Variants in ROR1 observed in about 807,000 individuals in gnomAD.
The protein encoded by ROR1 is inactive tyrosine-protein kinase transmembrane receptor ROR1.
A neutral mutation model predicts 78.8 loss-of-function variants in ROR1; 19 were observed. The ratio of observed to expected loss-of-function variants is 0.24; its 90% CI spans 0.17 to 0.35. The LOEUF (loss-of-function observed/expected upper bound fraction) is 0.35. Ranked by LOEUF, ROR1 falls within the 10% of genes least tolerant of loss-of-function variation. ROR1 has a pLI of 1.00. For missense variants in ROR1, 917 were observed against 1,177.8 expected (o/e 0.78, Z 3.24); for synonymous variants, 386 against 433.6 (o/e 0.89, Z 1.36).
chr1:64,143,099 T>C lies in ROR1; in HGVS notation c.1174+449T>C, dbSNP rs1011529400. 5 of 1,012,850 alleles carry C rather than the reference T, an allele frequency of 4.9e-6. No individual in the cohort carries two copies. The African/African-American group carries it at 8.6e-5, about 17-fold the overall frequency. 62.7% of individuals were successfully genotyped at this position (1,012,850 alleles called of 1,614,324 possible). On this transcript the variant is annotated intron_variant, in intron 7 of 8. Transcript: ENST00000371079. ...ACCATTACTCGGTCATCCAGGACAA[T>C]CTGTGGGTAAACTGTGTCCTTCGTT... is the stretch of plus-strand genomic sequence containing the variant.
intron 8 of ROR1, among the ~76,000 whole-genome samples, chr1:64,170,803 C>T (rs923752214): frequency 6.6e-6 from 1 of 152,182 alleles, no homozygotes; most frequent in Non-Finnish European, 1.5e-5. Context: ...CTCTCAAGTT[C>T]AAAGTTCCAC....
At chr1:63,923,901 C>T (rs570543413) in intron 1 of ROR1, among the ~76,000 whole-genome samples, 3 of 151,940 alleles carry the variant, frequency 2.0e-5, no homozygotes, top group African/African-American at 7.2e-5. Flanking sequence ...TCCTTGGATG[C>T]ACCAAAACCA....
intron 6 of ROR1, among the ~76,000 whole-genome samples, chr1:64,141,766 G>A (rs1456379785): frequency 6.6e-6 from 1 of 152,070 alleles, no homozygotes; most frequent in Admixed American, 6.6e-5. Flanking sequence ...CACATGGTAA[G>A]GGCTCAGTAG....
rs1246129337 is a variant in ROR1 at position 64,050,682 on chromosome 1, T to C, written c.452-4T>C. 2.5e-6 allele frequency: 4 copies of C among 1,613,716 alleles called. No individual in the cohort carries two copies. Among genetic ancestry groups the C allele is most frequent in the Admixed American group, 1.7e-5 (1 of 60,022 alleles). On this transcript the variant is annotated splice_region_variant and splice_polypyrimidine_tract_variant and intron_variant, in intron 3 of 8. Transcript: ENST00000371079. ...TTTCTTTTGTTTTTCTTTCATTTCT[T>C]CAGGCCCCCCTCCCACTGCAAGTCC...
At chr1:63,946,099 A>G (rs1242272429) in intron 1 of ROR1, among the ~76,000 whole-genome samples, 1 of 152,184 alleles carries the variant, frequency 6.6e-6, no homozygotes, top group Admixed American at 6.5e-5. Context: ...CATAGCCCAG[A>G]CACATCCTCT....
At position 63,973,478 on chromosome 1, in the gene ROR1, C is replaced by T. The variant is rs984225135; in HGVS notation, c.92-35827C>T. The stretch of plus-strand genomic sequence containing the variant: ...AAAGAAGACCTCAGAAAACAGAATC[C>T]GTGACAATCTGTTTGGAATTTTCTC... On this transcript the variant is annotated intron_variant, in intron 1 of 8. Transcript: ENST00000371079. Among the ~76,000 whole-genome samples, 7 of 152,134 alleles carry T rather than the reference C, an allele frequency of 4.6e-5. No homozygotes were observed. The East Asian group carries it at 7.7e-4, about 17-fold the overall frequency.
intron 4 of ROR1, among the ~76,000 whole-genome samples, chr1:64,083,583 G>C (rs1647122667): frequency 9.6e-6 from 1 of 104,138 alleles, no homozygotes; most frequent in African/African-American, 3.7e-5. Flanking sequence ...AAAGGTGCTA[G>C]AGAGAGAGAG....
At chr1:63,902,856 C>A (rs1006075314) in intron 1 of ROR1, among the ~76,000 whole-genome samples, 6 of 152,214 alleles carry the variant, frequency 3.9e-5, no homozygotes, top group African/African-American at 1.4e-4. Context: ...GACACCTTTT[C>A]TGTTTCCGCC....
chr1:64,049,491 C>T, intron 2 of ROR1, among the ~76,000 whole-genome samples, 200 bp from the exon 3 acceptor site: 1 of 152,072 alleles, frequency 6.6e-6, no homozygotes, highest in Non-Finnish European at 1.5e-5. Flanking sequence ...AAATTTTCTT[C>T]CAAGCAGCAG....
chr1:64,168,349 C>T (rs997965939), intron 8 of ROR1, among the ~76,000 whole-genome samples: 3 of 152,204 alleles, frequency 2.0e-5, no homozygotes, highest in Non-Finnish European at 4.4e-5. Flanking sequence ...GTACTTACAG[C>T]CTAACATATA....
chr1:63,822,101 G>C (rs1475893598), intron 1 of ROR1, among the ~76,000 whole-genome samples: 1 of 152,182 alleles, frequency 6.6e-6, no homozygotes, highest in African/African-American at 2.4e-5. Flanking sequence ...TTTGAATGTA[G>C]GACTGTCCCA....
chr1:64,045,164 C>G (rs1284952243), intron 2 of ROR1, among the ~76,000 whole-genome samples: 3 of 152,062 alleles, frequency 2.0e-5, no homozygotes, highest in African/African-American at 7.2e-5. Context: ...GGTGTAGTAT[C>G]AAAGAAGAAT....
chr1:64,117,204 T>C (rs1186072834), intron 4 of ROR1, among the ~76,000 whole-genome samples: 1 of 152,130 alleles, frequency 6.6e-6, no homozygotes, highest in Non-Finnish European at 1.5e-5. Context: ...ATAACAGACC[T>C]GGTATTGAGT....
intron 1 of ROR1, among the ~76,000 whole-genome samples, chr1:63,814,865 C>A (rs959278266): frequency 5.3e-5 from 8 of 152,134 alleles, no homozygotes; most frequent in Non-Finnish European, 8.8e-5. Flanking sequence ...AGTAGGAGAC[C>A]CTGGCCTAAG....
At chr1:63,811,616 G>A (rs1035393945) in intron 1 of ROR1, among the ~76,000 whole-genome samples, 5 of 152,112 alleles carry the variant, frequency 3.3e-5, no homozygotes, top group African/African-American at 4.8e-5. Context: ...AAGGACCCTG[G>A]CCTTTGGGAC....
At chr1:64,132,181 C>A (rs1648934138) in intron 4 of ROR1, among the ~76,000 whole-genome samples, 1 of 152,100 alleles carries the variant, frequency 6.6e-6, no homozygotes, top group Admixed American at 6.5e-5. Flanking sequence ...CAGCTTATTT[C>A]ACTTAGCATG....
In ROR1 at chr1:64,137,236, C is replaced by T. The variant is rs576679252; in HGVS notation, c.483-133C>T. 23 of 845,156 alleles carry T rather than the reference C, an allele frequency of 2.7e-5. No homozygotes were observed. The African/African-American group carries it at 3.3e-4, about 12-fold the overall frequency. 52.4% of individuals were successfully genotyped at this position (845,156 alleles called of 1,614,324 possible). A position where few individuals can be genotyped will look rare whatever the true frequency, so the allele number is the denominator to read the frequency against. On this transcript the variant is annotated intron_variant, in intron 4 of 8. Coordinates refer to ENST00000371079, the MANE Select transcript of ROR1 (RefSeq NM_005012.4). ...TAAGAACTGAGCAAAAGCCCAATTC[C>T]TTAGCCCAGTCTTTTGTATATTGTG...
intron 1 of ROR1, among the ~76,000 whole-genome samples, chr1:63,898,898 A>T (rs886170870): frequency 1.3e-5 from 2 of 151,936 alleles, no homozygotes; most frequent in African/African-American, 4.8e-5. Flanking sequence ...TGATCTGCCC[A>T]CCCCAATAGA....
chr1:63,907,386 C>T (rs1645537875), intron 1 of ROR1, among the ~76,000 whole-genome samples: 1 of 152,160 alleles, frequency 6.6e-6, no homozygotes. Context: ...TGATTCCCAC[C>T]TCCTGGGGTT....
Sources: allele counts gnomAD v4.1 joint callset (sites outside exome capture counted in the v4.1 genomes callset), GRCh38; gene constraint gnomAD v4.1.1; transcripts MANE v1.5; gene names NCBI Gene and HGNC (gene_info 2026-07-23, HGNC 2026-07-21).